Variants in ZFHX3 observed in about 807,000 individuals in gnomAD.
ZFHX3 encodes the protein zinc finger homeobox 3.
Under a neutral mutation model 279.1 loss-of-function variants are expected in ZFHX3, and 42 were observed. The ratio of observed to expected loss-of-function variants is 0.15; its 90% CI spans 0.12 to 0.19. ZFHX3 has a LOEUF of 0.19. ZFHX3 is among the 10% of genes least tolerant of loss of function. ZFHX3 has a pLI of 1.00. For missense variants in ZFHX3, 4,981 were observed against 4,754.0 expected, an observed-to-expected ratio of 1.05 and a Z score of -1.40; for synonymous variants, 2,293 against 1,957.8, an observed-to-expected ratio of 1.17 and a Z score of -4.52.
chr16:72,811,496 T>C (rs1349279757), intron 7 of ZFHX3, 81 bp downstream of exon 7: 3 of 1,344,324 alleles, frequency 2.2e-6, no homozygotes, highest in Non-Finnish European at 3.0e-6. Flanking sequence ...TCTCGTCCAA[T>C]AATACAGTAT....
intron 2 of ZFHX3, among the ~76,000 whole-genome samples, chr16:73,494,892 T>G (rs1047590846): frequency 1.3e-5 from 2 of 152,016 alleles, no homozygotes; most frequent in Non-Finnish European, 2.9e-5. Flanking sequence ...AGAGGGAACC[T>G]GGGGCACTGA....
At chr16:73,040,892 A>T (rs539425683) in intron 1 of ZFHX3, among the ~76,000 whole-genome samples, 5 of 152,370 alleles carry the variant, frequency 3.3e-5, no homozygotes, top group African/African-American at 1.2e-4. Flanking sequence ...AGACGAAAGA[A>T]GTGAGGCCCA....
At chr16:73,837,105 A>G (rs1016826694) in intron 1 of ZFHX3, among the ~76,000 whole-genome samples, 1 of 152,196 alleles carries the variant, frequency 6.6e-6, no homozygotes, top group Non-Finnish European at 1.5e-5. Context: ...GCAACACACA[A>G]TAGAGTAAGA....
intron 2 of ZFHX3, among the ~76,000 whole-genome samples, chr16:73,534,327 T>C (rs1597372627): frequency 6.6e-6 from 1 of 152,174 alleles, no homozygotes; most frequent in Admixed American, 6.5e-5. Flanking sequence ...AACTCTTTGC[T>C]TAAATATCCT....
chr16:73,503,803 A>G (rs2019278530), intron 2 of ZFHX3, among the ~76,000 whole-genome samples: 1 of 152,218 alleles, frequency 6.6e-6, no homozygotes, highest in South Asian at 2.1e-4. Context: ...TGGATTCACA[A>G]TTGGCATTTT....
intron 2 of ZFHX3, among the ~76,000 whole-genome samples, chr16:73,612,951 T>A (rs1235737539): frequency 1.3e-5 from 2 of 152,088 alleles, no homozygotes; most frequent in Non-Finnish European, 2.9e-5. Context: ...GAGGGCATAT[T>A]TCAATGAAGC....
At chr16:73,320,795 C>G (rs1044935124) in intron 3 of ZFHX3, among the ~76,000 whole-genome samples, 2 of 152,180 alleles carry the variant, frequency 1.3e-5, no homozygotes, top group East Asian at 1.9e-4. Context: ...TCCCACCTCT[C>G]TATGGCTGAC....
At chr16:72,847,889 G>C (rs945054643) in intron 4 of ZFHX3, among the ~76,000 whole-genome samples, 3 of 152,088 alleles carry the variant, frequency 2.0e-5, no homozygotes, top group African/African-American at 4.8e-5. Context: ...TGAAGCCCGA[G>C]GGGGAGGAGG....
intron 2 of ZFHX3, among the ~76,000 whole-genome samples, chr16:73,633,006 G>C (rs947006757): frequency 6.6e-6 from 1 of 152,198 alleles, no homozygotes; most frequent in Non-Finnish European, 1.5e-5. Context: ...GTGAACCCTG[G>C]AGGAGGAGCT....
At chr16:73,328,594 A>C (rs1338303878) in intron 3 of ZFHX3, among the ~76,000 whole-genome samples, 1 of 152,220 alleles carries the variant, frequency 6.6e-6, no homozygotes, top group East Asian at 1.9e-4. Flanking sequence ...ACGAAGCTGC[A>C]AGGAGAGCTC....
At chr16:73,594,209 A>G (rs2052026448) in intron 2 of ZFHX3, among the ~76,000 whole-genome samples, 1 of 152,232 alleles carries the variant, frequency 6.6e-6, no homozygotes, top group Admixed American at 6.5e-5. Context: ...TTATATTTTT[A>G]TAATTAAATT....
At chr16:72,929,686 C>G (rs544163172) in intron 3 of ZFHX3, among the ~76,000 whole-genome samples, 1 of 152,220 alleles carries the variant, frequency 6.6e-6, no homozygotes, top group Non-Finnish European at 1.5e-5. Flanking sequence ...CGCAAGCTGG[C>G]TGTACATAAA....
chr16:73,227,611 G>T (rs919028063), intron 5 of ZFHX3, among the ~76,000 whole-genome samples: 1 of 152,148 alleles, frequency 6.6e-6, no homozygotes, highest in African/African-American at 2.4e-5. Context: ...GACTTTGGGA[G>T]GTCGAGGCAG....
At chr16:73,341,009 C>T (rs2016021793) in intron 3 of ZFHX3, among the ~76,000 whole-genome samples, 1 of 152,074 alleles carries the variant, frequency 6.6e-6, no homozygotes, top group South Asian at 2.1e-4. Flanking sequence ...ATTTGTATCA[C>T]CGGCCAAAGG....
At chr16:73,067,844 A>C (rs2144751529) in intron 8 of ZFHX3, among the ~76,000 whole-genome samples, 1 of 152,294 alleles carries the variant, frequency 6.6e-6, no homozygotes, top group East Asian at 1.9e-4. Flanking sequence ...CCCCCAAAGG[A>C]ATAGCCAAGG....
Position 72,959,221 on chromosome 16 carries a change from G to A in ZFHX3, c.925C>T (p.Leu309=). 6.2e-7 allele frequency: 1 copy of A among 1,614,194 alleles called. No homozygotes were observed. The highest frequency in any genetic ancestry group is 8.5e-7 in the Non-Finnish European group (1 of 1,180,040). ...THAVHDHRMT[L]SEDERKILSN... ...AGAATTTTCCGCTCGTCTTCGCTCA[G>A]GGTCATTCGATGGTCATGCACCGCG... is the stretch of plus-strand genomic sequence containing the variant. The change falls in exon 2 of 10, where the codon CTG becomes TTG. Residue 309 remains leucine (L), a synonymous_variant. Coordinates refer to ENST00000268489, the MANE Select transcript of ZFHX3 (RefSeq NM_006885.4).
intron 1 of ZFHX3, among the ~76,000 whole-genome samples, chr16:73,719,189 G>C (rs1457739237): frequency 6.6e-6 from 1 of 152,162 alleles, no homozygotes; most frequent in Non-Finnish European, 1.5e-5. Flanking sequence ...TTGAGTCTGA[G>C]TGATACCAGT....
intron 1 of ZFHX3, among the ~76,000 whole-genome samples, chr16:73,771,916 C>A (rs1000839277): frequency 3.9e-5 from 6 of 152,070 alleles, no homozygotes; most frequent in African/African-American, 1.5e-4. Flanking sequence ...TCACCTCCCC[C>A]ACAGAGGCCT....
chr16:73,484,124 C>G (rs891145863), intron 2 of ZFHX3, among the ~76,000 whole-genome samples: 2 of 151,966 alleles, frequency 1.3e-5, no homozygotes, highest in Non-Finnish European at 2.9e-5. Flanking sequence ...AGGAAAGGCG[C>G]AGTTGTGCAG....
Sources: allele counts gnomAD v4.1 joint callset (sites outside exome capture counted in the v4.1 genomes callset), GRCh38; gene constraint gnomAD v4.1.1; transcripts MANE v1.5; gene names NCBI Gene and HGNC (gene_info 2026-07-23, HGNC 2026-07-21).